Variants in TOLLIP observed in about 807,000 individuals in gnomAD.
The protein encoded by TOLLIP is toll-interacting protein.
TOLLIP carries 16 observed loss-of-function variants against 33.5 expected under a neutral mutation model. The observed-to-expected ratio is 0.48, with a 90% CI of 0.32 to 0.72. The LOEUF is 0.72. Ranked by LOEUF, TOLLIP falls within the 30% of genes least tolerant of loss-of-function variation. The pLI is 0.03. For synonymous variants in TOLLIP, 176 were observed against 163.7 expected (o/e 1.07, Z -0.57); for missense variants, 325 against 396.6 (o/e 0.82, Z 1.53).
chr11:1,281,465 G>T (rs1863494458), intron 5 of TOLLIP, among the ~76,000 whole-genome samples: 1 of 152,182 alleles, frequency 6.6e-6, no homozygotes. Context: ...TGGCAGCTGG[G>T]CTCAGACACC....
At chr11:1,307,437 G>A (rs551618843) in intron 1 of TOLLIP, among the ~76,000 whole-genome samples, 1 of 152,324 alleles carries the variant, frequency 6.6e-6, no homozygotes, top group African/African-American at 2.4e-5. Flanking sequence ...GCACGCCGGT[G>A]CCCCTCAGAA....
chr11:1,280,115 C>T (rs539359153), intron 5 of TOLLIP, among the ~76,000 whole-genome samples: 13 of 152,238 alleles, frequency 8.5e-5, no homozygotes, highest in Non-Finnish European at 1.6e-4. Context: ...TAGTTTGTCT[C>T]GGAAACTTTT....
At chr11:1,307,413 G>A (rs1183242542) in intron 1 of TOLLIP, among the ~76,000 whole-genome samples, 2 of 152,216 alleles carry the variant, frequency 1.3e-5, no homozygotes, top group Admixed American at 6.5e-5. Context: ...CCTCATCGCG[G>A]GTGTAACAGC....
intron 5 of TOLLIP, among the ~76,000 whole-genome samples, chr11:1,281,399 G>T (rs777263539): frequency 6.6e-6 from 1 of 152,124 alleles, no homozygotes; most frequent in Admixed American, 6.5e-5. Flanking sequence ...GACGGTCCTC[G>T]TGAGGGCTCA....
At chr11:1,302,968 T>C (rs1864326002) in intron 1 of TOLLIP, among the ~76,000 whole-genome samples, 1 of 152,144 alleles carries the variant, frequency 6.6e-6, no homozygotes, top group South Asian at 2.1e-4. Flanking sequence ...CCTCTTCCTT[T>C]AATTATACAA....
At chr11:1,279,908 G>C (rs761083128) in intron 5 of TOLLIP, among the ~76,000 whole-genome samples, 1 of 152,134 alleles carries the variant, frequency 6.6e-6, no homozygotes, top group Non-Finnish European at 1.5e-5. Context: ...CAGACGTCTC[G>C]CACCACAGTG....
intron 1 of TOLLIP, among the ~76,000 whole-genome samples, chr11:1,301,290 C>T (rs1165437472): frequency 6.6e-6 from 1 of 152,214 alleles, no homozygotes; most frequent in Non-Finnish European, 1.5e-5. Context: ...GGGCTAAATA[C>T]GTTCTGTGGA....
chr11:1,277,830 G>A lies in TOLLIP; in HGVS notation c.611-577C>T, dbSNP rs1344464785. Among the ~76,000 whole-genome samples, 4 of 152,206 alleles carry A rather than the reference G, an allele frequency of 2.6e-5. No individual in the cohort carries two copies. The highest frequency in any genetic ancestry group is 1.3e-4 in the Admixed American group (2 of 15,288). On this transcript the variant is annotated intron_variant, in intron 5 of 5. Transcript: ENST00000317204. The surrounding 1 kb of genome is among the most constrained non-coding windows in gnomAD (Gnocchi z 4.2). ...AGGCACTGAAGACCTCAGCAAAGCT[G>A]CAGCCGATGCCCAGAATGACAACCC...
chr11:1,286,149 C>G, intron 4 of TOLLIP, 57 bp from the exon 5 acceptor site: 1 of 1,391,320 alleles, frequency 7.2e-7, no homozygotes, highest in Non-Finnish European at 9.9e-7. Flanking sequence ...CCATCAGAAC[C>G]TCGGGAATCG....
At position 1,295,718 on chromosome 11, in the gene TOLLIP, G is replaced by C; in HGVS notation, c.110C>G (p.Ala37Gly). The C allele has an allele frequency of 6.2e-7, 1 of 1,610,282 alleles. No individual in the cohort carries two copies. The highest frequency in any genetic ancestry group is 8.5e-7 in the Non-Finnish European group (1 of 1,178,762). The part of the protein sequence containing the change: ...TQQQRQVQLD[A>G]QAAQQLQYGG... ...GTACTGCAGCTGCTGGGCCGCCTGGGCGTCCAGCTGGACCTGCCGCTGCTG... is the reference window on the plus strand; with the variant it reads ...GTACTGCAGCTGCTGGGCCGCCTGGCCGTCCAGCTGGACCTGCCGCTGCTG... Residue 37 changes from alanine to glycine, a missense_variant, in exon 2 of 6, where the codon GCC (alanine) becomes GGC (glycine). Coordinates refer to ENST00000317204, the MANE Select transcript of TOLLIP (RefSeq NM_019009.4).
At chr11:1,309,405 C>G in intron 1 of TOLLIP, 61 bp downstream of exon 1, 2 of 1,060,082 alleles carry the variant, frequency 1.9e-6, no homozygotes, top group Non-Finnish European at 2.4e-6. Flanking sequence ...AGCCCTGACC[C>G]AAGGCCCCGC....
intron 5 of TOLLIP, among the ~76,000 whole-genome samples, chr11:1,279,849 C>T (rs1863437461): frequency 6.6e-6 from 1 of 152,150 alleles, no homozygotes; most frequent in Non-Finnish European, 1.5e-5. Flanking sequence ...CGCCGGTGGG[C>T]AGGGGAGCAT....
intron 4 of TOLLIP, among the ~76,000 whole-genome samples, chr11:1,288,365 T>A (rs1014788673): frequency 1.3e-5 from 2 of 152,010 alleles, no homozygotes; most frequent in Non-Finnish European, 2.9e-5. Context: ...CCACAAAGGG[T>A]TGGCTCATCT....
At chr11:1,289,362 CCA>C (rs1270635301) in intron 3 of TOLLIP, among the ~76,000 whole-genome samples, 2 of 152,240 alleles carry the variant, frequency 1.3e-5, no homozygotes, top group African/African-American at 2.4e-5. Context: ...CGGCCCCCAC[CCA>C]GTCTCTAGCC....
Position 1,274,732 on chromosome 11 carries a change from G to C in TOLLIP, c.*2307C>G, listed in dbSNP as rs1388505465. On this transcript the variant is annotated 3_prime_UTR_variant, in exon 6 of 6. Coordinates refer to ENST00000317204, the MANE Select transcript of TOLLIP (RefSeq NM_019009.4). ...CCCAGGAGCAGGAGCAGCAGAGGCT[G>C]GCAAGGCCTGGGCCCTCAGACACCA... 6.6e-6 allele frequency: 1 copy of C among 152,272 alleles called. No individual in the cohort carries two copies. Among genetic ancestry groups the C allele is most frequent in the East Asian group, 1.9e-4 (1 of 5,178 alleles). The allele number at this position is 152,272 out of a possible 1,614,324, so 9.4% of individuals were successfully genotyped here.
chr11:1,296,411 G>A (rs1489511168), intron 1 of TOLLIP, among the ~76,000 whole-genome samples: 7 of 152,226 alleles, frequency 4.6e-5, no homozygotes, highest in Non-Finnish European at 2.9e-5. Context: ...GAAGAGAGAG[G>A]ATGGGCCCAG....
intron 5 of TOLLIP, among the ~76,000 whole-genome samples, chr11:1,282,610 A>T (rs1863538782): frequency 6.6e-6 from 1 of 151,082 alleles, no homozygotes; most frequent in Admixed American, 6.6e-5. Context: ...ATGTACCCTA[A>T]AACTTAAAAT....
At chr11:1,291,895 C>T (rs550667995) in intron 2 of TOLLIP, 5 of 157,254 alleles carry the variant, frequency 3.2e-5, no homozygotes, top group East Asian at 3.9e-4. Flanking sequence ...CGCCAACCCT[C>T]GCCGCACAGC....
At chr11:1,297,000 G>C (rs1864132080) in intron 1 of TOLLIP, among the ~76,000 whole-genome samples, 2 of 144,282 alleles carry the variant, frequency 1.4e-5, no homozygotes, top group Admixed American at 1.4e-4. Context: ...GTGGAGGCCT[G>C]GTTGCTGGTG....
Sources: gnomAD v4.1 joint callset for allele counts (sites outside exome capture counted in the v4.1 genomes callset) on GRCh38, gnomAD v4.1.1 for gene constraint, Gnocchi (gnomAD v3.1) non-coding constraint, MANE v1.5 for transcripts, NCBI Gene and HGNC (gene_info 2026-07-23, HGNC 2026-07-21) for gene names.